Variants in AUTS2 observed in about 807,000 individuals in gnomAD.
The protein encoded by AUTS2 is activator of transcription and developmental regulator AUTS2, also known as autism susceptibility gene 2 protein.
In AUTS2, 17 loss-of-function variants were observed where a neutral mutation model predicts 112.4. The observed-to-expected ratio is 0.15, with a 90% CI of 0.10 to 0.23. AUTS2 has a LOEUF of 0.23. AUTS2 is among the 10% of genes least tolerant of loss of function. The pLI is 1.00. For synonymous variants in AUTS2, 751 were observed against 702.7 expected (o/e 1.07, Z -1.09); for missense variants, 1,510 against 1,701.6 (o/e 0.89, Z 1.98).
At chr7:69,933,627 T>C (rs1796303939) in intron 2 of AUTS2, among the ~76,000 whole-genome samples, 1 of 152,194 alleles carries the variant, frequency 6.6e-6, no homozygotes, top group Admixed American at 6.5e-5. Flanking sequence ...TGAGTTTTGC[T>C]ATCCACTTGC....
intron 5 of AUTS2, among the ~76,000 whole-genome samples, chr7:70,484,293 C>T (rs1338070677): frequency 1.3e-5 from 2 of 152,250 alleles, no homozygotes; most frequent in African/African-American, 4.8e-5. Context: ...GACTGGTTCT[C>T]TACTCTACTT....
At chr7:69,857,364 A>G (rs538489767) in intron 1 of AUTS2, among the ~76,000 whole-genome samples, 1 of 152,282 alleles carries the variant, frequency 6.6e-6, no homozygotes, top group African/African-American at 2.4e-5. Flanking sequence ...CCTGCTGCTG[A>G]TGCAGCAGAA....
chr7:70,107,683 A>T (rs1180699245), intron 2 of AUTS2, among the ~76,000 whole-genome samples: 2 of 150,704 alleles, frequency 1.3e-5, no homozygotes, highest in African/African-American at 4.9e-5. Flanking sequence ...TGAACTTAAT[A>T]TGCTTGGCTA....
chr7:69,631,845 G>C (rs10236103), intron 1 of AUTS2, among the ~76,000 whole-genome samples: 14,757 of 152,184 alleles, frequency 0.097, 1,127 homozygotes, highest in African/African-American at 0.21. Context: ...TAAAACACTA[G>C]AACCTTGTAT....
chr7:70,172,166 A>G (rs1271376025), intron 4 of AUTS2, among the ~76,000 whole-genome samples: 3 of 152,136 alleles, frequency 2.0e-5, no homozygotes, highest in Non-Finnish European at 4.4e-5. Flanking sequence ...AACTTCCTAT[A>G]TGGCCATGGA....
chr7:70,339,802 A>G (rs1345763748), intron 4 of AUTS2, among the ~76,000 whole-genome samples: 2 of 152,186 alleles, frequency 1.3e-5, no homozygotes, highest in South Asian at 2.1e-4. Flanking sequence ...TAAAGTAAGT[A>G]TTAGACTTTA....
At chr7:70,015,714 A>G (rs1799996671) in intron 2 of AUTS2, among the ~76,000 whole-genome samples, 1 of 152,206 alleles carries the variant, frequency 6.6e-6, no homozygotes, top group East Asian at 1.9e-4. Context: ...ATCTCCTTTT[A>G]AGAAAAATTG....
intron 1 of AUTS2, among the ~76,000 whole-genome samples, chr7:69,827,120 G>A (rs1178934396): frequency 6.6e-6 from 1 of 152,160 alleles, no homozygotes; most frequent in African/African-American, 2.4e-5. Context: ...TCATGGAGAG[G>A]TGGTTGTAGC....
chr7:70,710,731 G>C (rs751853357), intron 6 of AUTS2, among the ~76,000 whole-genome samples: 24 of 152,188 alleles, frequency 1.6e-4, no homozygotes, highest in Non-Finnish European at 3.1e-4. Context: ...CCACTTGTCT[G>C]GACTGTGCTC....
chr7:69,944,180 C>T (rs1419905874), intron 2 of AUTS2, among the ~76,000 whole-genome samples: 1 of 152,158 alleles, frequency 6.6e-6, no homozygotes, highest in Non-Finnish European at 1.5e-5. Flanking sequence ...CATAGAAACT[C>T]GACTTGTGAC....
intron 1 of AUTS2, among the ~76,000 whole-genome samples, chr7:69,818,190 G>A (rs1184515234): frequency 6.6e-6 from 1 of 152,140 alleles, no homozygotes; most frequent in Non-Finnish European, 1.5e-5. Flanking sequence ...AACTAAGGTG[G>A]TGTGTGACTG....
chr7:69,990,551 G>A (rs1798705507), intron 2 of AUTS2, among the ~76,000 whole-genome samples: 1 of 152,098 alleles, frequency 6.6e-6, no homozygotes, highest in Admixed American at 6.6e-5. Context: ...CAGGGGAGGT[G>A]GAGGGAAAAT....
At chr7:69,827,086 CTT>C (rs1386437067) in intron 1 of AUTS2, among the ~76,000 whole-genome samples, 1 of 152,126 alleles carries the variant, frequency 6.6e-6, no homozygotes, top group Non-Finnish European at 1.5e-5. Flanking sequence ...GTGGGAAATG[CTT>C]TCCTTGGGCC....
At chr7:69,765,900 T>A (rs980404313) in intron 1 of AUTS2, among the ~76,000 whole-genome samples, 32 of 152,004 alleles carry the variant, frequency 2.1e-4, no homozygotes, top group Admixed American at 2.0e-3. Context: ...TGAGGTGAGA[T>A]CATGCCACTG....
intron 4 of AUTS2, among the ~76,000 whole-genome samples, chr7:70,412,881 T>C (rs1478385320): frequency 1.3e-5 from 2 of 152,210 alleles, no homozygotes; most frequent in East Asian, 3.9e-4. Context: ...ATCCCAGCTA[T>C]TCGGGAGGCT....
At chr7:70,424,175 A>G (rs1008692418) in intron 4 of AUTS2, among the ~76,000 whole-genome samples, 4 of 152,158 alleles carry the variant, frequency 2.6e-5, no homozygotes, top group African/African-American at 7.2e-5. Flanking sequence ...ATTTGAACCT[A>G]CGTCAGCCTC....
Position 70,789,983 on chromosome 7 carries a change from G to C in AUTS2, c.2767G>C (p.Gly923Arg). 1 of 1,609,428 alleles carries C rather than the reference G, an allele frequency of 6.2e-7. No homozygotes were observed. The highest frequency in any genetic ancestry group is 2.2e-5 in the East Asian group (1 of 44,650). ...CCACCTGCCCGAGAAGGACGGGCACGGCCACGAGGGGCGCGCCGCGGGCGA... is the reference window on the plus strand; with the variant it reads ...CCACCTGCCCGAGAAGGACGGGCACCGCCACGAGGGGCGCGCCGCGGGCGA... The part of the protein sequence containing the change: ...EGHLPEKDGH[G>R]HEGRAAGEEA... The change falls in exon 19 of 19, where the codon GGC becomes CGC. Residue 923 changes from glycine (G) to arginine (R), a missense_variant. This residue lies in a region of AUTS2 where 788 missense variants were observed against 797.6 expected (regional missense o/e 0.99). Coordinates refer to ENST00000342771, the MANE Select transcript of AUTS2 (RefSeq NM_015570.4).
chr7:70,461,846 A>T (rs1417075303), intron 5 of AUTS2, among the ~76,000 whole-genome samples: 1 of 152,156 alleles, frequency 6.6e-6, no homozygotes, highest in Non-Finnish European at 1.5e-5. Context: ...TTGTCAGGAC[A>T]TCAGGGGCCT....
intron 4 of AUTS2, among the ~76,000 whole-genome samples, chr7:70,427,400 A>G (rs1474679549): frequency 6.6e-6 from 1 of 152,158 alleles, no homozygotes; most frequent in East Asian, 1.9e-4. Flanking sequence ...TTTGGGGTTT[A>G]TGTATATTTA....
Sources: gnomAD v4.1 joint callset for allele counts (sites outside exome capture counted in the v4.1 genomes callset) on GRCh38, gnomAD v4.1.1 for gene constraint, gnomAD v4.1.1 regional missense constraint, MANE v1.5 for transcripts, NCBI Gene and HGNC (gene_info 2026-07-23, HGNC 2026-07-21) for gene names.